SLC30A7: variants seen among roughly 807,000 people sequenced by gnomAD.
SLC30A7 encodes the protein zinc transporter 7.
Under a neutral mutation model 46.0 loss-of-function variants are expected in SLC30A7, and 35 were observed. The ratio of observed to expected loss-of-function variants is 0.76; its 90% CI spans 0.58 to 1.01. The LOEUF (loss-of-function observed/expected upper bound fraction) is 1.01. SLC30A7 is among the 50% of genes least tolerant of loss of function. The probability of loss-of-function intolerance (pLI) is 0.00; values close to 1 mark genes in which losing one functional copy is unlikely to be tolerated. For synonymous variants in SLC30A7, 147 were observed against 157.8 expected (o/e 0.93, Z 0.51); for missense variants, 464 against 451.1 (o/e 1.03, Z -0.26).
At chr1:100,919,752 A>T (rs1442771549) in intron 7 of SLC30A7, among the ~76,000 whole-genome samples, 1 of 152,180 alleles carries the variant, frequency 6.6e-6, no homozygotes, top group Admixed American at 6.5e-5. Flanking sequence ...TTATCAATTT[A>T]TGGTGGCTGA....
At chr1:100,940,407 G>T (rs1364580157) in intron 8 of SLC30A7, among the ~76,000 whole-genome samples, 1 of 152,080 alleles carries the variant, frequency 6.6e-6, no homozygotes, top group Non-Finnish European at 1.5e-5. Context: ...AAAGATTAAT[G>T]AATTAAGCTA....
At chr1:100,921,905 T>C in intron 8 of SLC30A7, 64 bp downstream of exon 8, 1 of 1,418,164 alleles carries the variant, frequency 7.1e-7, no homozygotes. Context: ...TTACTTAAAT[T>C]ATAGGTCTAA....
intron 6 of SLC30A7, among the ~76,000 whole-genome samples, chr1:100,917,053 T>A (rs577867131): frequency 6.6e-6 from 1 of 152,348 alleles, no homozygotes; most frequent in East Asian, 1.9e-4. Flanking sequence ...TTTGATGTAA[T>A]CCTTCTTGTC....
intron 8 of SLC30A7, among the ~76,000 whole-genome samples, chr1:100,923,505 C>A (rs2101035190): frequency 6.6e-6 from 1 of 152,216 alleles, no homozygotes; most frequent in South Asian, 2.1e-4. Context: ...AAGCTCAGCA[C>A]AGTGCTTTAC....
rs76932921 is a variant in SLC30A7 at position 100,909,325 on chromosome 1, T to C, written c.297-1738T>C. On this transcript the variant is annotated intron_variant, in intron 3 of 10. Coordinates refer to ENST00000357650, the MANE Select transcript of SLC30A7 (RefSeq NM_133496.5). ...ATGAGAGCAAGCAAGGACTTTTAAG[T>C]ATTTCTTTATATAAAAGTCATCTTT... Among the ~76,000 whole-genome samples the C allele has an allele frequency of 2.7e-4, 41 of 152,238 alleles. 1 individual carries two copies. In the East Asian group the frequency reaches 7.9e-3, roughly 29 times the overall value.
chr1:100,923,839 G>T (rs1030898344), intron 8 of SLC30A7, among the ~76,000 whole-genome samples: 2 of 152,120 alleles, frequency 1.3e-5, no homozygotes, highest in African/African-American at 4.8e-5. Flanking sequence ...TTCTTCTTTG[G>T]AAATCTTACT....
chr1:100,966,036 G>C (rs773506102), intron 10 of SLC30A7, 118 bp downstream of exon 10: 1 of 879,650 alleles, frequency 1.1e-6, no homozygotes, highest in Admixed American at 2.8e-5. Context: ...TTCTAGATCA[G>C]TGTGGGCAAC....
At chr1:100,940,829 A>T (rs1355265788) in intron 8 of SLC30A7, among the ~76,000 whole-genome samples, 1 of 152,236 alleles carries the variant, frequency 6.6e-6, no homozygotes, top group African/African-American at 2.4e-5. Context: ...TTACATAATT[A>T]ATCACAAATA....
In SLC30A7 at chr1:100,957,632, G is replaced by T. The variant is rs113197710; in HGVS notation, c.843-4196G>T. 6.3e-3 allele frequency among the ~76,000 whole-genome samples: 966 copies of T among 152,238 alleles called. 15 individuals carry two copies. Among genetic ancestry groups the T allele is most frequent in the African/African-American group, 0.02 (838 of 41,546 alleles). ...CCCAAGTGTCATGGTTTCCATGAGT[G>T]TAATTTTCACGTCAGATATCTAAAC... On this transcript the variant is annotated intron_variant, in intron 8 of 10. Coordinates refer to ENST00000357650, the MANE Select transcript of SLC30A7 (RefSeq NM_133496.5).
chr1:100,982,967 A>G (rs762637306), downstream of SLC30A7, among the ~76,000 whole-genome samples: 1 of 152,172 alleles, frequency 6.6e-6, no homozygotes, highest in Non-Finnish European at 1.5e-5. Context: ...GTTGTTTGGT[A>G]CAATACTGCA....
At chr1:100,952,236 A>G (rs1236037369) in intron 8 of SLC30A7, among the ~76,000 whole-genome samples, 1 of 152,206 alleles carries the variant, frequency 6.6e-6, no homozygotes, top group Non-Finnish European at 1.5e-5. Flanking sequence ...AATTCACTAT[A>G]TAGCCAGAGT....
At chr1:100,916,118 T>A (rs952942122) in intron 6 of SLC30A7, among the ~76,000 whole-genome samples, 3 of 152,002 alleles carry the variant, frequency 2.0e-5, no homozygotes, top group East Asian at 1.9e-4. Context: ...ATTACTTTTT[T>A]ATTTTTTTAA....
chr1:100,959,459 C>T (rs1655418648), intron 8 of SLC30A7, among the ~76,000 whole-genome samples: 1 of 152,156 alleles, frequency 6.6e-6, no homozygotes, highest in African/African-American at 2.4e-5. Flanking sequence ...AAGGTAGCAG[C>T]CGGGGCTGCA....
chr1:100,921,990 G>A (rs1205829844), intron 8 of SLC30A7, 149 bp downstream of exon 8: 2 of 706,542 alleles, frequency 2.8e-6, no homozygotes, highest in African/African-American at 2.2e-5. Flanking sequence ...GTCTCGCTCT[G>A]TCACCCAGGC....
chr1:100,978,315 A>G lies in SLC30A7; in HGVS notation c.*3458A>G, dbSNP rs1328386828. On this transcript the variant is annotated 3_prime_UTR_variant, in exon 11 of 11. Coordinates refer to ENST00000357650, the MANE Select transcript of SLC30A7 (RefSeq NM_133496.5). ...GTACAGCAGCCAAATCATGAACTCA[A>G]AATGTATTTGATCACAGTTCTATAA... 1 of 152,200 alleles carries G rather than the reference A, an allele frequency of 6.6e-6. No homozygotes were observed. The highest frequency in any genetic ancestry group is 6.5e-5 in the Admixed American group (1 of 15,278). 9.4% of individuals were successfully genotyped at this position (152,200 alleles called of 1,614,324 possible).
At chr1:100,923,622 T>G (rs1653100089) in intron 8 of SLC30A7, among the ~76,000 whole-genome samples, 1 of 151,818 alleles carries the variant, frequency 6.6e-6, no homozygotes, top group Non-Finnish European at 1.5e-5. Context: ...TACAAAAAAT[T>G]TAAAAATTAG....
chr1:100,973,428 T>C (rs1237945684), intron 10 of SLC30A7, among the ~76,000 whole-genome samples: 2 of 152,160 alleles, frequency 1.3e-5, no homozygotes, highest in African/African-American at 2.4e-5. Context: ...AGAAGGAAAT[T>C]AGTAGAATTT....
At chr1:100,958,422 C>T (rs1466827688) in intron 8 of SLC30A7, among the ~76,000 whole-genome samples, 4 of 152,156 alleles carry the variant, frequency 2.6e-5, no homozygotes, top group Non-Finnish European at 4.4e-5. Flanking sequence ...ATGATCCACC[C>T]GCCTTGGCCT....
chr1:100,896,530 C>A (rs771453324), intron 1 of SLC30A7, 40 bp from the exon 2 acceptor site: 2 of 1,589,120 alleles, frequency 1.3e-6, no homozygotes, highest in African/African-American at 2.7e-5. Context: ...CCGGCACCTC[C>A]TTAACTCTCC....
Sources: allele counts gnomAD v4.1 joint callset (sites outside exome capture counted in the v4.1 genomes callset), GRCh38; gene constraint gnomAD v4.1.1; transcripts MANE v1.5; gene names NCBI Gene and HGNC (gene_info 2026-07-23, HGNC 2026-07-21).